SPOP: variants seen among roughly 807,000 people sequenced by gnomAD.
SPOP encodes the protein speckle type BTB/POZ protein, also known as speckle-type POZ protein.
Under a neutral mutation model 45.6 loss-of-function variants are expected in SPOP, and 11 were observed. That is an observed-to-expected ratio of 0.24 (90% CI 0.15 to 0.40). The LOEUF (loss-of-function observed/expected upper bound fraction) is 0.40. SPOP is among the 10% of genes least tolerant of loss of function. The pLI is 1.00. For synonymous variants in SPOP, 166 were observed against 166.3 expected (o/e 1.00, Z 0.01); for missense variants, 152 against 465.6 (o/e 0.33, Z 6.20).
intron 6 of SPOP, among the ~76,000 whole-genome samples, chr17:49,610,527 A>G (rs1395704086): frequency 2.0e-5 from 3 of 152,274 alleles, no homozygotes; most frequent in Admixed American, 1.3e-4. Context: ...GACTTCCTTG[A>G]GTATTACACA....
chr17:49,668,602 A>G (rs2073093206), intron 1 of SPOP, among the ~76,000 whole-genome samples: 2 of 152,124 alleles, frequency 1.3e-5, no homozygotes, highest in Non-Finnish European at 2.9e-5. Context: ...TTTATTCACT[A>G]GAAAAAGTAT....
intron 1 of SPOP, among the ~76,000 whole-genome samples, chr17:49,645,862 C>T (rs2072748423): frequency 7.0e-6 from 1 of 143,596 alleles, no homozygotes; most frequent in South Asian, 2.3e-4. Context: ...TTTCCCATCT[C>T]CAACCTGTTG....
intron 1 of SPOP, among the ~76,000 whole-genome samples, chr17:49,648,882 C>A (rs899340203): frequency 1.3e-5 from 2 of 152,056 alleles, no homozygotes; most frequent in African/African-American, 4.8e-5. Flanking sequence ...CTCAGCCTCC[C>A]GAGTAGCTGG....
rs550314932 is a variant in SPOP at position 49,617,976 on chromosome 17, C to T, written c.480+1005G>A. 1.0e-3 allele frequency among the ~76,000 whole-genome samples: 156 copies of T among 151,534 alleles called. 1 individual carries two copies. The highest frequency in any genetic ancestry group is 5.9e-3 in the South Asian group (28 of 4,774). On this transcript the variant is annotated intron_variant, in intron 5 of 9. Coordinates refer to ENST00000504102, the MANE Select transcript of SPOP (RefSeq NM_001007228.2). ...AGCAATACATAAGCCTGCTACCGAC[C>T]GCTAGGCCTTTTCTGCAAAAGGGCA...
At chr17:49,667,571 A>G (rs2073079377) in intron 1 of SPOP, among the ~76,000 whole-genome samples, 1 of 152,236 alleles carries the variant, frequency 6.6e-6, no homozygotes, top group Non-Finnish European at 1.5e-5. Flanking sequence ...CCTAGGCAAT[A>G]GAGTAAGACT....
chr17:49,629,427 A>G (rs2072407157), intron 1 of SPOP, among the ~76,000 whole-genome samples: 1 of 152,204 alleles, frequency 6.6e-6, no homozygotes, highest in Admixed American at 6.5e-5. Context: ...TACAAAGCCC[A>G]AAACTCCCAG....
chr17:49,600,223 T>C lies in SPOP; in HGVS notation c.*155A>G, dbSNP rs1024736466. On this transcript the variant is annotated 3_prime_UTR_variant, in exon 10 of 10. Coordinates refer to ENST00000504102, the MANE Select transcript of SPOP (RefSeq NM_001007228.2). This position sits in a 1 kb window ranked among gnomAD's most constrained non-coding sequence, Gnocchi z 4.2. ...CTCCCCCCGTTTCCCCCAAGTTATT[T>C]AGTGCTGTTTTAAAAGTCTGGGGCC... The C allele has an allele frequency of 2.1e-6, 2 of 950,752 alleles. No individual in the cohort carries two copies. The highest frequency in any genetic ancestry group is 3.3e-5 in the African/African-American group (2 of 60,684). 58.9% of individuals were successfully genotyped at this position (950,752 alleles called of 1,614,324 possible).
intron 5 of SPOP, among the ~76,000 whole-genome samples, chr17:49,615,456 A>T (rs575928214): frequency 6.6e-6 from 1 of 152,332 alleles, no homozygotes; most frequent in Non-Finnish European, 1.5e-5. Context: ...TAAAGAGAAA[A>T]TTTAAAATGG....
chr17:49,655,706 T>C (rs2072900405), intron 1 of SPOP, among the ~76,000 whole-genome samples: 1 of 152,180 alleles, frequency 6.6e-6, no homozygotes, highest in Non-Finnish European at 1.5e-5. Flanking sequence ...TAAATGTTGA[T>C]GGATAATGTA....
intron 1 of SPOP, among the ~76,000 whole-genome samples, chr17:49,651,017 A>G (rs2072836833): frequency 6.6e-6 from 1 of 152,236 alleles, no homozygotes; most frequent in Non-Finnish European, 1.5e-5. Context: ...GGAAGCCAGC[A>G]GCGGAGTTTA....
intron 1 of SPOP, among the ~76,000 whole-genome samples, chr17:49,625,815 A>T (rs956247183): frequency 6.6e-6 from 1 of 152,342 alleles, no homozygotes; most frequent in Admixed American, 6.5e-5. Context: ...CCTATATATC[A>T]GTTTCATACT....
At chr17:49,628,164 G>A (rs1029774225) in intron 1 of SPOP, among the ~76,000 whole-genome samples, 8 of 152,214 alleles carry the variant, frequency 5.3e-5, no homozygotes, top group Non-Finnish European at 1.2e-4. Flanking sequence ...AGTTAAGACA[G>A]TCTGTCTGCA....
intron 8 of SPOP, among the ~76,000 whole-genome samples, chr17:49,604,343 A>T (rs2071795887): frequency 1.3e-5 from 2 of 152,328 alleles, no homozygotes; most frequent in South Asian, 4.1e-4. Context: ...AAAAGTGACA[A>T]GAAAGATACG....
At chr17:49,611,875 G>C (rs1232823589) in intron 5 of SPOP, among the ~76,000 whole-genome samples, 5 of 128,820 alleles carry the variant, frequency 3.9e-5, no homozygotes, top group Non-Finnish European at 7.8e-5. Context: ...CTAGAGACAA[G>C]AATCTGATCA....
intron 1 of SPOP, among the ~76,000 whole-genome samples, chr17:49,634,938 A>T (rs1203544036): frequency 1.3e-5 from 2 of 152,220 alleles, no homozygotes; most frequent in Non-Finnish European, 2.9e-5. Context: ...TTCAGCATTA[A>T]CTATTACTAT....
intron 1 of SPOP, among the ~76,000 whole-genome samples, chr17:49,672,439 CATT>C (rs1465320293): frequency 6.6e-6 from 1 of 152,172 alleles, no homozygotes; most frequent in Non-Finnish European, 1.5e-5. Context: ...AACTCAGCAT[CATT>C]AATAGTGGGA....
intron 1 of SPOP, among the ~76,000 whole-genome samples, chr17:49,673,623 CATTTTTCTGTATGTTTAAA>C (rs66790016): frequency 8.0e-4 from 122 of 152,114 alleles, no homozygotes; most frequent in Non-Finnish European, 1.4e-3. Context: ...CTATTTTTTC[CATTTTTCTGTATGTTTAAA>C]ATTTTTCACT....
At chr17:49,654,983 C>G (rs1445924685) in intron 1 of SPOP, among the ~76,000 whole-genome samples, 1 of 152,092 alleles carries the variant, frequency 6.6e-6, no homozygotes, top group Non-Finnish European at 1.5e-5. Flanking sequence ...GAGGGCCTGT[C>G]AGAAAAGCCA....
chr17:49,611,699 T>TC (rs1196057279), intron 5 of SPOP, among the ~76,000 whole-genome samples: 2 of 152,074 alleles, frequency 1.3e-5, no homozygotes, highest in Non-Finnish European at 1.5e-5. Context: ...AATCTCTTTT[T>TC]CCCCCAGTTT....
Sources: allele counts gnomAD v4.1 joint callset (sites outside exome capture counted in the v4.1 genomes callset), GRCh38; gene constraint gnomAD v4.1.1; non-coding constraint Gnocchi (gnomAD v3.1); transcripts MANE v1.5; gene names NCBI Gene and HGNC (gene_info 2026-07-23, HGNC 2026-07-21).